SETD1A: variants seen among roughly 807,000 people sequenced by gnomAD.
SETD1A encodes the protein histone-lysine N-methyltransferase SETD1A.
SETD1A carries 29 observed loss-of-function variants against 149.9 expected under a neutral mutation model. The observed-to-expected ratio is 0.19, with a 90% CI of 0.14 to 0.26. SETD1A has a LOEUF of 0.26. Ranked by LOEUF, SETD1A falls within the 10% of genes least tolerant of loss-of-function variation. The pLI is 1.00. For synonymous variants in SETD1A, 1,141 were observed against 968.5 expected (o/e 1.18, Z -3.31); for missense variants, 2,109 against 2,353.1 (o/e 0.90, Z 2.15).
At chr16:30,974,729 G>T (rs2056263742) in intron 13 of SETD1A, among the ~76,000 whole-genome samples, 1 of 152,114 alleles carries the variant, frequency 6.6e-6, no homozygotes, top group Admixed American at 6.6e-5. Context: ...AGTTGGGGCC[G>T]GGCGCAGTGG....
Position 30,979,787 on chromosome 16 carries a change from A to T in SETD1A, c.4001A>T (p.Glu1334Val), listed in dbSNP as rs1200007796. 1 of 1,584,292 alleles carries T rather than the reference A, an allele frequency of 6.3e-7. No homozygotes were observed. The highest frequency in any genetic ancestry group is 8.5e-7 in the Non-Finnish European group (1 of 1,172,462). Residue 1334 changes from glutamate to valine, a missense_variant, in exon 14 of 19, where the codon GAG becomes GTG. Around this residue, in one of 8 missense-constraint regions of SETD1A, gnomAD observed 832 missense variants for 815.6 expected, o/e 1.02. Coordinates refer to ENST00000262519, the MANE Select transcript of SETD1A (RefSeq NM_014712.3). The part of the protein sequence containing the change: ...PAALFSSPAD[E>V]VLEAPEVVVA... ...GCCCTCTTCAGTTCCCCAGCTGATG[A>T]GGTCCTGGAGGCCCCCGAGGTGGTG...
chr16:30,964,841 C>G lies in SETD1A; in HGVS notation c.1099C>G (p.Pro367Ala), dbSNP rs2056114229. 2 of 1,614,218 alleles carry G rather than the reference C, an allele frequency of 1.2e-6. No individual in the cohort carries two copies. The highest frequency in any genetic ancestry group is 1.7e-6 in the Non-Finnish European group (2 of 1,180,044). ...GTTTCGTAGTTCTGATGCAAACTAC[C>G]CAGCGTATTATGAAAGCTGGAATCG... ...SQFRSSDANY[P>A]AYYESWNRYQ... The change falls in exon 7 of 19, where the codon CCA becomes GCA. Residue 367 changes from proline (P) to alanine (A), a missense_variant. Physicochemically the swap from Pro to Ala is conservative, Grantham distance 27. Around this residue, in one of 8 missense-constraint regions of SETD1A, gnomAD observed 410 missense variants for 394.8 expected, o/e 1.04. Transcript: ENST00000262519.
At chr16:30,968,660 G>T (rs1359428316) in intron 10 of SETD1A, among the ~76,000 whole-genome samples, 1 of 151,966 alleles carries the variant, frequency 6.6e-6, no homozygotes, top group Non-Finnish European at 1.5e-5. Context: ...AATTAGCCAG[G>T]CGTGGTGGCG....
At chr16:30,976,382 C>G (rs1025490297) in intron 13 of SETD1A, among the ~76,000 whole-genome samples, 1 of 152,102 alleles carries the variant, frequency 6.6e-6, no homozygotes, top group Non-Finnish European at 1.5e-5. Flanking sequence ...GCAAGCCTCT[C>G]GCCTGGGCCT....
chr16:30,969,712 G>A (rs752810477), intron 12 of SETD1A, 23 bp downstream of exon 12: 28 of 1,597,986 alleles, frequency 1.8e-5, no homozygotes, highest in Middle Eastern at 1.7e-4. Flanking sequence ...CAGTGAAATC[G>A]ACTTTGGGCT....
In SETD1A at chr16:30,980,439, C is replaced by A; in HGVS notation, c.4409-46C>A. The A allele has an allele frequency of 6.3e-7, 1 of 1,576,392 alleles. No individual in the cohort carries two copies. Among genetic ancestry groups the A allele is most frequent in the Non-Finnish European group, 8.6e-7 (1 of 1,158,892 alleles). ...GCCCCGCCCTCTCCTTTGGCTGGGA[C>A]GCAGGTGGCCAGAGAGGAGCCGTTC... On this transcript the variant is annotated intron_variant, in intron 14 of 18. Coordinates refer to ENST00000262519, the MANE Select transcript of SETD1A (RefSeq NM_014712.3). The surrounding 1 kb of genome is among the most constrained non-coding windows in gnomAD (Gnocchi z 7.7).
At chr16:30,960,730 C>CTTTTT (rs71374043) in intron 3 of SETD1A, among the ~76,000 whole-genome samples, 2,511 of 80,700 alleles carry the variant, frequency 0.031, 4 homozygotes, top group East Asian at 0.063. Context: ...TTCTTTCTTT[C>CTTTTT]TTTTTTTTTT....
intron 13 of SETD1A, among the ~76,000 whole-genome samples, chr16:30,978,212 T>G (rs1176171784): frequency 6.9e-6 from 1 of 145,944 alleles, no homozygotes; most frequent in Non-Finnish European, 1.5e-5. Context: ...AGGCGGAGGT[T>G]GCAGTAAGCC....
Position 30,979,142 on chromosome 16 carries a change from C to A in SETD1A, c.3359-3C>A. 6.4e-7 allele frequency: 1 copy of A among 1,552,552 alleles called. No individual in the cohort carries two copies. Among genetic ancestry groups the A allele is most frequent in the South Asian group, 1.2e-5 (1 of 82,478 alleles). On this transcript the variant is annotated splice_region_variant and splice_polypyrimidine_tract_variant and intron_variant, in intron 13 of 18. Coordinates refer to ENST00000262519, the MANE Select transcript of SETD1A (RefSeq NM_014712.3). ...CTTTCCTTCCTATGTGCTTCCTTCC[C>A]AGGCCCCACGGAGGAGTCACCCCCC...
intron 13 of SETD1A, 40 bp downstream of exon 13, chr16:30,971,759 T>TGA (rs368441855): frequency 1.3e-5 from 20 of 1,507,182 alleles, no homozygotes; most frequent in Admixed American, 6.8e-5. Flanking sequence ...GCTGTGTGTG[T>TGA]GAGAGAGAGA....
chr16:30,963,251 A>G (rs916190701), intron 4 of SETD1A, among the ~76,000 whole-genome samples, 182 bp from the exon 5 acceptor site: 5 of 152,202 alleles, frequency 3.3e-5, no homozygotes, highest in African/African-American at 9.7e-5. Context: ...TGTTTGTGGT[A>G]GTTTAGAGGT....
chr16:30,959,794 C>G (rs1258740639), intron 3 of SETD1A, among the ~76,000 whole-genome samples: 1 of 149,122 alleles, frequency 6.7e-6, no homozygotes, highest in Non-Finnish European at 1.5e-5. Flanking sequence ...TGGACAATCT[C>G]TTTCACACCC....
chr16:30,970,349 C>G (rs1408377271), intron 12 of SETD1A, among the ~76,000 whole-genome samples: 1 of 151,268 alleles, frequency 6.6e-6, no homozygotes. Flanking sequence ...CTCACTGCAA[C>G]CTCCGCCTCC....
chr16:30,958,588 C>T (rs554329963), intron 1 of SETD1A, 129 bp from the exon 2 acceptor site: 5 of 750,756 alleles, frequency 6.7e-6, no homozygotes, highest in African/African-American at 3.5e-5. Flanking sequence ...CGGGGGAGCC[C>T]CGGGTCAGGG....
intron 13 of SETD1A, among the ~76,000 whole-genome samples, chr16:30,977,043 G>T (rs1385222913): frequency 6.6e-6 from 1 of 152,102 alleles, no homozygotes; most frequent in Admixed American, 6.6e-5. Context: ...AGCCTCCCAG[G>T]TTCAAGTGAT....
rs751877909 is a variant in SETD1A, at chr16:30,959,082, C to T, written c.151-9C>T. On this transcript the variant is annotated splice_polypyrimidine_tract_variant and intron_variant, in intron 2 of 18. Coordinates refer to ENST00000262519, the MANE Select transcript of SETD1A (RefSeq NM_014712.3). ...TGAGCTCTCTTTCTGCTGCTGCTTT[C>T]CTTCCTAGGACTCAAAGTATATACC... 6.2e-7 allele frequency: 1 copy of T among 1,603,968 alleles called. No individual in the cohort carries two copies. Among genetic ancestry groups the T allele is most frequent in the Non-Finnish European group, 8.5e-7 (1 of 1,170,806 alleles).
Position 30,958,844 on chromosome 16 carries a change from A to G in SETD1A, c.113A>G (p.Lys38Arg). ...LDPALRRPSQ[K>R]VYRYDGVHFS... ...CCTGCCCTGCGCAGGCCTTCTCAGAAGGTGTACCGCTATGATGGAGTCCAC... is the reference window on the plus strand; with the variant it reads ...CCTGCCCTGCGCAGGCCTTCTCAGAGGGTGTACCGCTATGATGGAGTCCAC... The change falls in exon 2 of 19, where the codon AAG (lysine) becomes AGG (arginine). Residue 38 changes from lysine to arginine, a missense_variant. Physicochemically the swap from Lys to Arg is conservative, Grantham distance 26. Coordinates refer to ENST00000262519, the MANE Select transcript of SETD1A (RefSeq NM_014712.3). The G allele has an allele frequency of 6.2e-7, 1 of 1,614,192 alleles. No individual in the cohort carries two copies. The highest frequency in any genetic ancestry group is 1.1e-5 in the South Asian group (1 of 91,086).
chr16:30,981,269 C>T, intron 17 of SETD1A, 89 bp downstream of exon 17: 2 of 1,533,092 alleles, frequency 1.3e-6, no homozygotes, highest in East Asian at 2.3e-5. Flanking sequence ...CGGTTAAAGC[C>T]TTGCACACTC....
rs1202547221 is a variant in SETD1A at position 30,971,314 on chromosome 16, G to A, written c.3017-64G>A. ...AGCATCCACAGCAGGGAGTGAGTGA[G>A]GAGCCCACGGCTGGCCAAGTGAGGT... On this transcript the variant is annotated intron_variant, in intron 12 of 18. Coordinates refer to ENST00000262519, the MANE Select transcript of SETD1A (RefSeq NM_014712.3). 4 of 1,487,498 alleles carry A rather than the reference G, an allele frequency of 2.7e-6. No individual in the cohort carries two copies. In the Admixed American group the frequency reaches 8.3e-5, roughly 31 times the overall value. 92.1% of individuals were successfully genotyped at this position (1,487,498 alleles called of 1,614,324 possible).
Sources: allele counts gnomAD v4.1 joint callset (sites outside exome capture counted in the v4.1 genomes callset), GRCh38; gene constraint gnomAD v4.1.1; regional missense constraint gnomAD v4.1.1; non-coding constraint Gnocchi (gnomAD v3.1); transcripts MANE v1.5; gene names NCBI Gene and HGNC (gene_info 2026-07-23, HGNC 2026-07-21).